The following AKT3 variants were observed in gnomAD, a reference collection of about 807,000 sequenced individuals.
AKT3 encodes AKT serine/threonine kinase 3, also known as RAC-gamma serine/threonine-protein kinase.
Under a neutral mutation model 65.3 loss-of-function variants are expected in AKT3, and 15 were observed. The observed-to-expected ratio is 0.23, with a 90% CI of 0.15 to 0.35. The LOEUF (loss-of-function observed/expected upper bound fraction) is 0.35, where lower values mean the gene tolerates loss of function less well. AKT3 is among the 10% of genes least tolerant of loss of function. AKT3 has a pLI of 1.00. For synonymous variants in AKT3, 206 were observed against 183.8 expected (o/e 1.12, Z -0.98); for missense variants, 243 against 576.5 (o/e 0.42, Z 5.92).
chr1:243,712,109 G>T (rs1401068935), intron 2 of AKT3, among the ~76,000 whole-genome samples: 1 of 152,074 alleles, frequency 6.6e-6, no homozygotes, highest in Non-Finnish European at 1.5e-5. Context: ...CTCCAAACTT[G>T]GTAGGGATAT....
At chr1:243,810,642 T>C (rs946102111) in intron 2 of AKT3, among the ~76,000 whole-genome samples, 3 of 151,988 alleles carry the variant, frequency 2.0e-5, no homozygotes, top group Admixed American at 6.6e-5. Context: ...TCCCAATCAA[T>C]AGAAAAAGAG....
intron 9 of AKT3, among the ~76,000 whole-genome samples, chr1:243,567,971 A>G (rs976768733): frequency 6.6e-6 from 1 of 152,220 alleles, no homozygotes; most frequent in Non-Finnish European, 1.5e-5. Context: ...TGGCCTAGAT[A>G]TATCAGTAAC....
chr1:243,551,085 T>A (rs193225770), intron 11 of AKT3, among the ~76,000 whole-genome samples: 5 of 151,226 alleles, frequency 3.3e-5, no homozygotes, highest in Admixed American at 3.3e-4. Flanking sequence ...TTTCAAAACT[T>A]AAACTGAGAA....
rs79410507 is a variant in AKT3 at position 243,669,923 on chromosome 1, G to T, written c.173-5040C>A. Among the ~76,000 whole-genome samples, 166 of 152,206 alleles carry T rather than the reference G, an allele frequency of 1.1e-3. 2 individuals are homozygous for T. In the East Asian group the frequency reaches 0.018, roughly 16 times the overall value. On this transcript the variant is annotated intron_variant, in intron 3 of 13. Transcript: ENST00000673466. ...CAACTTCACTGTTCTTACTAAACTT[G>T]CTAAGTATTCATGAACCAAATGACA...
At chr1:243,772,834 A>G (rs7545162) in intron 2 of AKT3, among the ~76,000 whole-genome samples, 39,221 of 151,952 alleles carry the variant, frequency 0.26, 5,801 homozygotes, top group African/African-American at 0.4. Context: ...TGGCACATAT[A>G]CACCATGGAA....
intron 2 of AKT3, among the ~76,000 whole-genome samples, chr1:243,717,715 G>A (rs578135733): frequency 6.6e-6 from 1 of 152,256 alleles, no homozygotes; most frequent in South Asian, 2.1e-4. Flanking sequence ...TTTGAGTTCT[G>A]AGTTAAAGGT....
intron 2 of AKT3, among the ~76,000 whole-genome samples, chr1:243,840,620 C>G (rs1695183743): frequency 6.6e-6 from 1 of 151,798 alleles, no homozygotes; most frequent in South Asian, 2.1e-4. Flanking sequence ...GCAAGTATAA[C>G]TATTATAAAC....
At chr1:243,843,447 G>T (rs994014526) in intron 1 of AKT3, 165 bp from the exon 2 acceptor site, 1 of 1,078,438 alleles carries the variant, frequency 9.3e-7, no homozygotes, top group Middle Eastern at 3.6e-4. Context: ...TATAATGAAA[G>T]CACTTCCCTA....
chr1:243,701,957 A>C (rs368439045), intron 2 of AKT3, among the ~76,000 whole-genome samples: 10 of 152,138 alleles, frequency 6.6e-5, no homozygotes, highest in African/African-American at 2.4e-4. Context: ...GCAAAGTCAC[A>C]AAGTTTTTAC....
chr1:243,724,616 T>A (rs564379052), intron 2 of AKT3, among the ~76,000 whole-genome samples: 1 of 152,324 alleles, frequency 6.6e-6, no homozygotes, highest in South Asian at 2.1e-4. Flanking sequence ...GCATCCATCT[T>A]CTGGGATCCA....
chr1:243,573,145 T>G (rs958481673), intron 8 of AKT3, 97 bp from the exon 9 acceptor site: 16 of 1,399,250 alleles, frequency 1.1e-5, no homozygotes, highest in Non-Finnish European at 1.6e-5. Context: ...CATATTGTGA[T>G]GATAGATAGT....
rs540146397 is a variant in AKT3, at chr1:243,643,761, C to G, written c.429+2132G>C. Among the ~76,000 whole-genome samples, 3 of 152,316 alleles carry G rather than the reference C, an allele frequency of 2.0e-5. 1 individual carries two copies. In the South Asian group the frequency reaches 6.2e-4, roughly 32 times the overall value. On this transcript the variant is annotated intron_variant, in intron 5 of 13. Coordinates refer to ENST00000673466, the MANE Select transcript of AKT3 (RefSeq NM_005465.7). ...ATAATCAGTACCTATTCTTTTAATC[C>G]TATTGCCATTTGGCAAAAATTAAAG...
chr1:243,752,715 G>A (rs1335040743), intron 2 of AKT3, among the ~76,000 whole-genome samples: 1 of 152,072 alleles, frequency 6.6e-6, no homozygotes, highest in East Asian at 1.9e-4. Flanking sequence ...TAGCTTCTGG[G>A]AACTCTGAAT....
chr1:243,849,386 A>AACCCCC (rs1695655077), intron 1 of AKT3, among the ~76,000 whole-genome samples: 4 of 107,020 alleles, frequency 3.7e-5, no homozygotes, highest in African/African-American at 3.9e-5. Context: ...CCACACACAC[A>AACCCCC]CCCCCCCCCC....
intron 8 of AKT3, among the ~76,000 whole-genome samples, chr1:243,586,932 T>C (rs1675854574): frequency 6.6e-6 from 1 of 152,082 alleles, no homozygotes; most frequent in Non-Finnish European, 1.5e-5. Flanking sequence ...CCAGTAGATT[T>C]AGCCATATAA....
chr1:243,732,033 T>C (rs1303452371), intron 2 of AKT3, among the ~76,000 whole-genome samples: 1 of 152,194 alleles, frequency 6.6e-6, no homozygotes, highest in Non-Finnish European at 1.5e-5. Context: ...GATTTACATA[T>C]TTTTTCTAAA....
intron 11 of AKT3, among the ~76,000 whole-genome samples, chr1:243,550,358 G>C (rs1672962833): frequency 6.6e-6 from 1 of 152,130 alleles, no homozygotes; most frequent in African/African-American, 2.4e-5. Context: ...CAAACAGTTA[G>C]GAATTGTTCT....
intron 2 of AKT3, among the ~76,000 whole-genome samples, chr1:243,821,919 G>A (rs1242653853): frequency 1.3e-5 from 2 of 152,102 alleles, no homozygotes; most frequent in African/African-American, 2.4e-5. Flanking sequence ...CTCAGCTCTG[G>A]ATCAACTGGA....
intron 6 of AKT3, among the ~76,000 whole-genome samples, chr1:243,616,582 T>C (rs1413149013): frequency 6.6e-6 from 1 of 152,202 alleles, no homozygotes; most frequent in Non-Finnish European, 1.5e-5. Context: ...TCTTCACTTC[T>C]GGCAAGATCT....
Sources: gnomAD v4.1 joint callset for allele counts (sites outside exome capture counted in the v4.1 genomes callset) on GRCh38, gnomAD v4.1.1 for gene constraint, MANE v1.5 for transcripts, NCBI Gene and HGNC (gene_info 2026-07-23, HGNC 2026-07-21) for gene names.